The following CNTNAP4 variants were observed in gnomAD, a reference collection of about 807,000 sequenced individuals.
The protein encoded by CNTNAP4 is contactin associated protein family member 4.
In CNTNAP4, 98 loss-of-function variants were observed where a neutral mutation model predicts 148.4. The ratio of observed to expected loss-of-function variants is 0.66; its 90% CI spans 0.56 to 0.78. The LOEUF (loss-of-function observed/expected upper bound fraction) is 0.78. Ranked by LOEUF, CNTNAP4 falls within the 30% of genes least tolerant of loss-of-function variation. The probability of loss-of-function intolerance (pLI) is 0.00; values close to 1 mark genes in which losing one functional copy is unlikely to be tolerated. For missense variants in CNTNAP4, 1,935 were observed against 1,565.6 expected (o/e 1.24, Z -3.98); for synonymous variants, 730 against 565.1 (o/e 1.29, Z -4.14).
Position 76,502,513 on chromosome 16 carries a change from ATAATT to A in CNTNAP4, c.2365+3823_2365+3827del, listed in dbSNP as rs370963872. Among the ~76,000 whole-genome samples, 548 of 152,274 alleles carry A rather than the reference ATAATT, an allele frequency of 3.6e-3. 9 individuals are homozygous for A. The highest frequency in any genetic ancestry group is 0.012 in the African/African-American group (490 of 41,546). On this transcript the variant is annotated intron_variant, in intron 15 of 23. Coordinates refer to ENST00000611870, the MANE Select transcript of CNTNAP4 (RefSeq NM_033401.5). ...TGAAGGCATCAGGACTACACATTGA[ATAATT>A]TAAGACTGAGAAATAACTTAATTCT...
intron 15 of CNTNAP4, 87 bp downstream of exon 15, chr16:76,498,781 A>G (rs571234629): frequency 1.8e-5 from 23 of 1,278,994 alleles, no homozygotes; most frequent in Admixed American, 3.1e-5. Context: ...TTTCTATCAT[A>G]TAATAACTAA....
rs8061548 is a variant in CNTNAP4 at position 76,414,166 on chromosome 16, T to C, written c.391-13286T>C. ...GCAGCTCTCAGCATTTCCTATAATG[T>C]ATGATACTTGCTGTATGATTTTTAC... On this transcript the variant is annotated intron_variant, in intron 3 of 23. Coordinates refer to ENST00000611870, the MANE Select transcript of CNTNAP4 (RefSeq NM_033401.5). Among the ~76,000 whole-genome samples, 1,248 of 151,502 alleles carry C rather than the reference T, an allele frequency of 8.2e-3. 19 individuals are homozygous for C. Among genetic ancestry groups the C allele is most frequent in the East Asian group, 0.026 (137 of 5,172 alleles).
intron 15 of CNTNAP4, among the ~76,000 whole-genome samples, chr16:76,517,799 C>T (rs2083305439): frequency 6.6e-6 from 1 of 152,136 alleles, no homozygotes; most frequent in Admixed American, 6.5e-5. Context: ...AGAAACCTTA[C>T]CCCTCTGAGC....
At chr16:76,317,252 C>CAAAAAAAAAAACAA (rs1961863055) in intron 2 of CNTNAP4, among the ~76,000 whole-genome samples, 4 of 86,280 alleles carry the variant, frequency 4.6e-5, no homozygotes, top group African/African-American at 1.6e-4. Context: ...GACCCTGTCT[C>CAAAAAAAAAAACAA]AAAAAAAAAA....
intron 2 of CNTNAP4, among the ~76,000 whole-genome samples, chr16:76,352,152 A>T (rs1597287522): frequency 6.6e-6 from 1 of 152,196 alleles, no homozygotes; most frequent in Non-Finnish European, 1.5e-5. Flanking sequence ...AACAAAAAAA[A>T]TGACAAAAAT....
rs150726736 is a variant in CNTNAP4 at position 76,448,065 on chromosome 16, C to A, written c.592C>A (p.Gln198Lys). ...GKSSLLYRFD[Q>K]KSLSPIKDII... ...AAGTTCCCTTCTCTACAGATTTGAT[C>A]AAAAATCCCTGAGCCCAATAAAAGA... The change falls in exon 5 of 24, where the codon CAA becomes AAA. Residue 198 changes from glutamine to lysine, a missense_variant. Physicochemically the swap from Gln to Lys is moderately conservative, Grantham distance 53 (BLOSUM62 1). Transcript: ENST00000611870. 1.1e-4 allele frequency: 177 copies of A among 1,613,602 alleles called. No homozygotes were observed. In the East Asian group the frequency reaches 3.5e-3, roughly 32 times the overall value.
chr16:76,473,635 G>C (rs563246506), intron 10 of CNTNAP4, among the ~76,000 whole-genome samples: 2 of 151,978 alleles, frequency 1.3e-5, no homozygotes, highest in African/African-American at 4.8e-5. Context: ...TTAGCCAAGC[G>C]TGGTGGCAGG....
At chr16:76,502,000 C>T (rs1448405051) in intron 15 of CNTNAP4, among the ~76,000 whole-genome samples, 2 of 150,564 alleles carry the variant, frequency 1.3e-5, no homozygotes, top group South Asian at 2.1e-4. Flanking sequence ...ACCTGGGAGG[C>T]GGAGCTTGCA....
At chr16:76,558,241 G>A (rs1044153598) in intron 23 of CNTNAP4, 10 of 369,596 alleles carry the variant, frequency 2.7e-5, no homozygotes, top group Non-Finnish European at 4.8e-5. Flanking sequence ...AATGCACCAA[G>A]TAAATCCGAT....
At chr16:76,404,714 A>G (rs200256087) in intron 3 of CNTNAP4, among the ~76,000 whole-genome samples, 2 of 152,170 alleles carry the variant, frequency 1.3e-5, no homozygotes, top group East Asian at 3.8e-4. Context: ...TAAAATTAAT[A>G]GACATAGTAA....
intron 16 of CNTNAP4, 150 bp downstream of exon 16, chr16:76,521,460 G>A: frequency 1.8e-6 from 1 of 560,270 alleles, no homozygotes; most frequent in South Asian, 4.4e-5. Context: ...AACTTATCCT[G>A]TTTGTAAGAA....
intron 13 of CNTNAP4, among the ~76,000 whole-genome samples, chr16:76,494,517 T>C (rs1193546964): frequency 1.3e-5 from 2 of 152,202 alleles, no homozygotes; most frequent in Non-Finnish European, 2.9e-5. Context: ...CATTTCATGA[T>C]TTCAAATCAA....
Position 76,558,655 on chromosome 16 carries a change from A to G in CNTNAP4, c.3899A>G (p.Asn1300Ser), listed in dbSNP as rs34198820. ...GAGCTTAATATACAAAATGCAGTCAATGAAAATCAGAAAGAGTACTTCTTC... is the reference window on the plus strand; with the variant it reads ...GAGCTTAATATACAAAATGCAGTCAGTGAAAATCAGAAAGAGTACTTCTTC... Reference protein sequence around the residue: ...KSELNIQNAVNENQKEYFF With the variant: ...KSELNIQNAVSENQKEYFF Residue 1300 changes from asparagine to serine, a missense_variant, in exon 24 of 24, where the codon AAT (asparagine) becomes AGT (serine). By Grantham distance (46) the Asn-to-Ser change is conservative. Transcript: ENST00000611870. The G allele has an allele frequency of 6.9e-4, 1,108 of 1,610,156 alleles. 10 individuals carry two copies. In the African/African-American group the frequency reaches 0.012, roughly 18 times the overall value.
intron 3 of CNTNAP4, among the ~76,000 whole-genome samples, chr16:76,374,449 C>G (rs925832323): frequency 6.6e-6 from 1 of 152,054 alleles, no homozygotes. Flanking sequence ...ATTTCTGATC[C>G]TTAAATCAGA....
intron 4 of CNTNAP4, among the ~76,000 whole-genome samples, chr16:76,438,340 G>A (rs914949137): frequency 6.6e-6 from 1 of 152,124 alleles, no homozygotes; most frequent in African/African-American, 2.4e-5. Flanking sequence ...CAGTATCTAC[G>A]TAGGGCTGGA....
chr16:76,482,418 C>G, intron 12 of CNTNAP4, among the ~76,000 whole-genome samples: 1 of 144,456 alleles, frequency 6.9e-6, no homozygotes, highest in East Asian at 2.0e-4. Flanking sequence ...AGATCATAAG[C>G]TCTGTTTTAC....
chr16:76,400,642 G>A (rs1376490177), intron 3 of CNTNAP4, among the ~76,000 whole-genome samples: 1 of 152,012 alleles, frequency 6.6e-6, no homozygotes, highest in African/African-American at 2.4e-5. Flanking sequence ...GTGTTACCTA[G>A]GTTGTCTTCA....
At chr16:76,408,950 T>A (rs2078699105) in intron 3 of CNTNAP4, among the ~76,000 whole-genome samples, 1 of 152,030 alleles carries the variant, frequency 6.6e-6, no homozygotes, top group Admixed American at 6.6e-5. Flanking sequence ...TGCTTATTCC[T>A]ATTCTTACAG....
intron 12 of CNTNAP4, 83 bp from the exon 13 acceptor site, chr16:76,489,603 T>G: frequency 1.4e-6 from 1 of 707,262 alleles, no homozygotes; most frequent in South Asian, 4.1e-5. Context: ...AGATAAAAGG[T>G]GATTTTGATT....
Sources: allele counts gnomAD v4.1 joint callset (sites outside exome capture counted in the v4.1 genomes callset), GRCh38; gene constraint gnomAD v4.1.1; transcripts MANE v1.5; gene names NCBI Gene and HGNC (gene_info 2026-07-23, HGNC 2026-07-21).